Variants in DTD1 observed in about 807,000 individuals in gnomAD.
DTD1 encodes the protein D-aminoacyl-tRNA deacylase 1.
In DTD1, 13 loss-of-function variants were observed where a neutral mutation model predicts 25.6. The ratio of observed to expected loss-of-function variants is 0.51; its 90% CI spans 0.33 to 0.81. DTD1 has a LOEUF of 0.81. Ranked by LOEUF, DTD1 falls within the 30% of genes least tolerant of loss-of-function variation. The pLI, the probability that DTD1 is intolerant of heterozygous loss-of-function variation, is 0.02. For missense variants in DTD1, 193 were observed against 266.4 expected, an observed-to-expected ratio of 0.72 and a Z score of 1.92; for synonymous variants, 110 against 103.6, an observed-to-expected ratio of 1.06 and a Z score of -0.37.
rs1171360501 is a variant in DTD1, at chr20:18,638,190, TCCATCCATCCATCCATCCATCC to T, written c.477+9958_477+9979del. On this transcript the variant is annotated intron_variant, in intron 4 of 5. Transcript: ENST00000377452. Reference sequence around the variant, plus strand: ...ATCTGCCCATCCATCCATCCATCCATCCATCCATCCATCCATCCATCCATCTATCCATCCACTCACCTGTCCA... The same window carrying T: ...ATCTGCCCATCCATCCATCCATCCATATCTATCCATCCACTCACCTGTCCA... Among the ~76,000 whole-genome samples the T allele has an allele frequency of 0.018, 708 of 39,194 alleles. 5 individuals are homozygous for T. In the Middle Eastern group the frequency reaches 0.18, roughly 10 times the overall value. The allele number at this position is 39,194 out of a possible 152,430, so 25.7% of individuals were successfully genotyped here.
intron 4 of DTD1, among the ~76,000 whole-genome samples, chr20:18,669,856 C>A (rs1190849163): frequency 6.6e-6 from 1 of 152,128 alleles, no homozygotes; most frequent in Non-Finnish European, 1.5e-5. Context: ...CAGTTCTCTC[C>A]ACAAGTCTTT....
At chr20:18,687,165 C>T (rs1213459872) in intron 4 of DTD1, among the ~76,000 whole-genome samples, 2 of 152,168 alleles carry the variant, frequency 1.3e-5, no homozygotes, top group African/African-American at 4.8e-5. Context: ...TGAGTCAAGA[C>T]CTATGCCAGG....
chr20:18,612,210 A>G (rs2060689949), intron 3 of DTD1, among the ~76,000 whole-genome samples: 2 of 150,762 alleles, frequency 1.3e-5, no homozygotes, highest in Admixed American at 6.6e-5. Context: ...AATTTTTTGT[A>G]TTTTTAGTAG....
chr20:18,589,011 C>T lies in DTD1; in HGVS notation c.43+896C>T, dbSNP rs564504094. 2.6e-5 allele frequency: 12 copies of T among 463,846 alleles called. 1 individual carries two copies. In the South Asian group the frequency reaches 7.3e-4, roughly 28 times the overall value. 28.7% of individuals were successfully genotyped at this position (463,846 alleles called of 1,614,324 possible). On this transcript the variant is annotated intron_variant, in intron 1 of 5. Transcript: ENST00000377452. Reference sequence around the variant, plus strand: ...ATTTCAGATATCCTGTCCTTGGAGCCAGTCTGCACCAAATATGCGTTCTTG... The same window carrying T: ...ATTTCAGATATCCTGTCCTTGGAGCTAGTCTGCACCAAATATGCGTTCTTG...
rs574345980 is a variant in DTD1 at position 18,712,729 on chromosome 20, C to T, written c.478-31371C>T. Among the ~76,000 whole-genome samples the T allele has an allele frequency of 5.9e-5, 9 of 152,302 alleles. No individual in the cohort carries two copies. The South Asian group carries it at 1.9e-3, about 32-fold the overall frequency. On this transcript the variant is annotated intron_variant, in intron 4 of 5. Coordinates refer to ENST00000377452, the MANE Select transcript of DTD1 (RefSeq NM_080820.6). ...CACATATTTGGGATCCACAAGCTTA[C>T]CGGATACTTCTCTACTGTGGCTTGC...
chr20:18,722,819 A>T (rs868293935), intron 4 of DTD1, among the ~76,000 whole-genome samples: 2 of 152,194 alleles, frequency 1.3e-5, no homozygotes, highest in South Asian at 4.1e-4. Context: ...GGAAATCATC[A>T]TTCAGATACA....
intron 3 of DTD1, among the ~76,000 whole-genome samples, chr20:18,618,495 C>T (rs964412716): frequency 6.6e-6 from 1 of 151,248 alleles, no homozygotes; most frequent in African/African-American, 2.4e-5. Context: ...GCTGGGGCCA[C>T]AGGCATGTTC....
At chr20:18,633,586 G>A (rs572999210) in intron 4 of DTD1, among the ~76,000 whole-genome samples, 1 of 152,318 alleles carries the variant, frequency 6.6e-6, no homozygotes, top group African/African-American at 2.4e-5. Context: ...GGGCTGTGGT[G>A]TCTATGAATG....
At chr20:18,678,504 A>G (rs1341728307) in intron 4 of DTD1, among the ~76,000 whole-genome samples, 1 of 152,224 alleles carries the variant, frequency 6.6e-6, no homozygotes, top group Non-Finnish European at 1.5e-5. Context: ...AACTCGTAAT[A>G]TAATATTTTG....
At chr20:18,601,885 A>G (rs1418981597) in intron 3 of DTD1, among the ~76,000 whole-genome samples, 1 of 151,414 alleles carries the variant, frequency 6.6e-6, no homozygotes, top group Non-Finnish European at 1.5e-5. Flanking sequence ...CTCCAAAGGA[A>G]CGCAGTTCCT....
At chr20:18,658,189 A>ATGTGTGTGTGTGTGTGTG (rs60197503) in intron 4 of DTD1, among the ~76,000 whole-genome samples, 1 of 146,140 alleles carries the variant, frequency 6.8e-6, no homozygotes, top group South Asian at 2.2e-4. Flanking sequence ...AGAGTCTGAG[A>ATGTGTGTGTGTGTGTGTG]TGTGTGTGTG....
intron 4 of DTD1, among the ~76,000 whole-genome samples, chr20:18,732,313 T>C (rs1291021806): frequency 1.3e-5 from 2 of 152,250 alleles, no homozygotes; most frequent in African/African-American, 4.8e-5. Context: ...ACACTGAAAT[T>C]GCTTAAGTAT....
chr20:18,728,620 A>G (rs1381895472), intron 4 of DTD1, among the ~76,000 whole-genome samples: 1 of 152,158 alleles, frequency 6.6e-6, no homozygotes, highest in Non-Finnish European at 1.5e-5. Flanking sequence ...ATCTGTAAGT[A>G]GGGGAAGTGG....
At chr20:18,590,404 ATT>A (rs5840818) in intron 1 of DTD1, among the ~76,000 whole-genome samples, 5 of 151,628 alleles carry the variant, frequency 3.3e-5, no homozygotes, top group Middle Eastern at 3.2e-3. Context: ...GGTCAAACAC[ATT>A]TTTTTTTATA....
intron 4 of DTD1, chr20:18,631,467 C>A (rs1212007939): frequency 1.0e-6 from 1 of 985,516 alleles, no homozygotes; most frequent in African/African-American, 1.7e-5. Context: ...CTGCCTCTCA[C>A]AGTCATCCAT....
intron 3 of DTD1, among the ~76,000 whole-genome samples, chr20:18,616,096 T>G (rs917330791): frequency 6.6e-6 from 1 of 152,260 alleles, no homozygotes; most frequent in African/African-American, 2.4e-5. Flanking sequence ...GAAATTATAA[T>G]GTGGGATCGT....
chr20:18,687,411 G>A (rs1293024703), intron 4 of DTD1, among the ~76,000 whole-genome samples: 9 of 152,206 alleles, frequency 5.9e-5, no homozygotes, highest in African/African-American at 1.9e-4. Context: ...GTACAGGAGT[G>A]TAGTTTGCTG....
At chr20:18,712,133 G>A (rs1236276272) in intron 4 of DTD1, among the ~76,000 whole-genome samples, 4 of 151,986 alleles carry the variant, frequency 2.6e-5, no homozygotes, top group Non-Finnish European at 5.9e-5. Context: ...ATTCTGCATG[G>A]GTTTTTCCTT....
intron 5 of DTD1, among the ~76,000 whole-genome samples, chr20:18,759,140 G>A (rs1317494183): frequency 6.6e-6 from 1 of 152,186 alleles, no homozygotes; most frequent in Non-Finnish European, 1.5e-5. Context: ...CTCTGCACGT[G>A]AGATGGGTTT....
Sources: gnomAD v4.1 joint callset for allele counts (sites outside exome capture counted in the v4.1 genomes callset) on GRCh38, gnomAD v4.1.1 for gene constraint, MANE v1.5 for transcripts, NCBI Gene and HGNC (gene_info 2026-07-23, HGNC 2026-07-21) for gene names.